Variants in NEGR1 observed in about 807,000 individuals in gnomAD.
NEGR1 encodes IgLON family member 4.
NEGR1 carries 10 observed loss-of-function variants against 40.9 expected under a neutral mutation model. The ratio of observed to expected loss-of-function variants is 0.24; its 90% CI spans 0.15 to 0.42. NEGR1 has a LOEUF of 0.42. Among genes scored for constraint, NEGR1 ranks in the 10% least tolerant of loss-of-function variants. NEGR1 has a pLI of 1.00. For synonymous variants in NEGR1, 185 were observed against 166.8 expected (o/e 1.11, Z -0.84); for missense variants, 352 against 438.9 (o/e 0.80, Z 1.77).
chr1:71,723,136 G>C (rs1557627741), intron 3 of NEGR1, among the ~76,000 whole-genome samples: 1 of 151,806 alleles, frequency 6.6e-6, no homozygotes, highest in Non-Finnish European at 1.5e-5. Flanking sequence ...TTAGTAATTT[G>C]ACTGTAATGT....
chr1:71,416,216 T>C (rs553223939), intron 6 of NEGR1, among the ~76,000 whole-genome samples: 5 of 152,322 alleles, frequency 3.3e-5, no homozygotes, highest in African/African-American at 1.2e-4. Flanking sequence ...TTTTATGATC[T>C]TATACATGTG....
chr1:71,412,786 G>C (rs1646331805), intron 6 of NEGR1, among the ~76,000 whole-genome samples: 1 of 151,872 alleles, frequency 6.6e-6, no homozygotes, highest in African/African-American at 2.4e-5. Flanking sequence ...GAGGATAAAG[G>C]AAACAAAAGG....
chr1:71,611,046 T>C lies in NEGR1; in HGVS notation c.768A>G (p.Glu256=). The C allele has an allele frequency of 1.9e-6, 3 of 1,614,032 alleles. No individual in the cohort carries two copies. The highest frequency in any genetic ancestry group is 2.5e-6 in the Non-Finnish European group (3 of 1,179,956). The change falls in exon 5 of 7, where the codon GAA becomes GAG. Residue 256 remains glutamate, a synonymous_variant. Coordinates refer to ENST00000357731, the MANE Select transcript of NEGR1 (RefSeq NM_173808.3). ...EGAGVPPPAF[E]WYKGEKKLFN... is the part of the protein sequence containing the mutation. ...CTCACTTCTTCTCTCCTTTGTACCA[T>C]TCAAAGGCTGGAGGCGGCACACCTG...
At chr1:71,628,105 T>C (rs1407131267) in intron 4 of NEGR1, among the ~76,000 whole-genome samples, 1 of 152,048 alleles carries the variant, frequency 6.6e-6, no homozygotes, top group African/African-American at 2.4e-5. Context: ...ACTTTCTATT[T>C]TTATATGTCA....
intron 1 of NEGR1, among the ~76,000 whole-genome samples, chr1:72,195,195 C>G (rs1473575074): frequency 1.3e-5 from 2 of 152,078 alleles, no homozygotes; most frequent in East Asian, 3.9e-4. Flanking sequence ...ACAACCACAA[C>G]AAAAGTACAT....
chr1:71,464,217 G>A (rs1186621778), intron 6 of NEGR1, among the ~76,000 whole-genome samples: 1 of 152,104 alleles, frequency 6.6e-6, no homozygotes, highest in East Asian at 1.9e-4. Flanking sequence ...CATCAAGTCA[G>A]GGATGCAAAA....
rs540755223 is a variant in NEGR1, at chr1:72,056,803, AT to A, written c.177-121493del. ...ACATGAAAGTTTTGTTTTGAAGTCTATTCATATCATAGTTTCTCTGCTTGCC... is the reference window on the plus strand; with the variant it reads ...ACATGAAAGTTTTGTTTTGAAGTCTATCATATCATAGTTTCTCTGCTTGCC... On this transcript the variant is annotated intron_variant, in intron 1 of 6. Transcript: ENST00000357731. Among the ~76,000 whole-genome samples, 456 of 151,574 alleles carry A rather than the reference AT, an allele frequency of 3.0e-3. 2 individuals carry two copies. Among genetic ancestry groups the A allele is most frequent in the Non-Finnish European group, 4.1e-3 (278 of 67,660 alleles).
chr1:71,627,327 A>G (rs72942227), intron 4 of NEGR1, among the ~76,000 whole-genome samples: 1 of 152,190 alleles, frequency 6.6e-6, no homozygotes, highest in African/African-American at 2.4e-5. Flanking sequence ...TTTATCTTAT[A>G]TATTATGCAA....
chr1:72,058,328 A>G (rs1647130914), intron 1 of NEGR1, among the ~76,000 whole-genome samples: 1 of 151,616 alleles, frequency 6.6e-6, no homozygotes, highest in African/African-American at 2.4e-5. Context: ...AGACTGACTT[A>G]ATAATCTCTA....
intron 1 of NEGR1, among the ~76,000 whole-genome samples, chr1:72,265,031 T>C (rs1363821061): frequency 6.6e-6 from 1 of 150,956 alleles, no homozygotes; most frequent in African/African-American, 2.4e-5. Flanking sequence ...CTTCATAAGA[T>C]AGTTCAATGG....
At chr1:72,215,191 T>C (rs990436437) in intron 1 of NEGR1, among the ~76,000 whole-genome samples, 18 of 152,120 alleles carry the variant, frequency 1.2e-4, no homozygotes, top group Admixed American at 2.0e-4. Context: ...GACCCCTTCC[T>C]TAGACCTCAT....
intron 1 of NEGR1, among the ~76,000 whole-genome samples, chr1:72,085,517 A>G (rs563332710): frequency 2.4e-4 from 37 of 152,186 alleles, no homozygotes; most frequent in Admixed American, 3.9e-4. Context: ...CTGCACATTT[A>G]TTTCTTTGTT....
chr1:72,022,805 G>A (rs1258651550), intron 1 of NEGR1, among the ~76,000 whole-genome samples: 1 of 152,084 alleles, frequency 6.6e-6, no homozygotes. Flanking sequence ...TTGTCTACAT[G>A]TAGGCACCAA....
intron 6 of NEGR1, among the ~76,000 whole-genome samples, chr1:71,468,053 T>G (rs941841450): frequency 3.0e-4 from 46 of 152,090 alleles, no homozygotes; most frequent in African/African-American, 1.1e-3. Flanking sequence ...TAGATTCAAA[T>G]TATTCAAAAT....
At chr1:71,609,922 T>A (rs1448206265) in intron 5 of NEGR1, among the ~76,000 whole-genome samples, 1 of 152,152 alleles carries the variant, frequency 6.6e-6, no homozygotes, top group African/African-American at 2.4e-5. Context: ...TGATAGTGAG[T>A]GAGTTCTCAC....
At chr1:72,277,145 A>G (rs1656077879) in intron 1 of NEGR1, among the ~76,000 whole-genome samples, 1 of 152,164 alleles carries the variant, frequency 6.6e-6, no homozygotes. Flanking sequence ...ACTACTTTCC[A>G]TTGGCTAACG....
chr1:72,200,648 G>C (rs185603567), intron 1 of NEGR1, among the ~76,000 whole-genome samples: 1 of 151,772 alleles, frequency 6.6e-6, no homozygotes, highest in Non-Finnish European at 1.5e-5. Context: ...TAAAGTAAAA[G>C]TAGAAAAGAA....
intron 4 of NEGR1, among the ~76,000 whole-genome samples, chr1:71,693,914 T>C (rs1653383567): frequency 6.6e-6 from 1 of 151,740 alleles, no homozygotes; most frequent in African/African-American, 2.4e-5. Flanking sequence ...CAAATCTATA[T>C]TACTTGATTC....
chr1:72,227,755 AT>A (rs563283140), intron 1 of NEGR1, among the ~76,000 whole-genome samples: 3 of 152,144 alleles, frequency 2.0e-5, no homozygotes, highest in Non-Finnish European at 4.4e-5. Flanking sequence ...CAAGATGACC[AT>A]AAAAAAAGCA....
Sources: gnomAD v4.1 joint callset for allele counts (sites outside exome capture counted in the v4.1 genomes callset) on GRCh38, gnomAD v4.1.1 for gene constraint, MANE v1.5 for transcripts, NCBI Gene and HGNC (gene_info 2026-07-23, HGNC 2026-07-21) for gene names.